Variants in CACNA1B observed in about 807,000 individuals in gnomAD.
The protein encoded by CACNA1B is calcium voltage-gated channel subunit alpha1 B, also known as voltage-dependent N-type calcium channel subunit alpha-1B.
CACNA1B carries 70 observed loss-of-function variants against 247.2 expected under a neutral mutation model. That is an observed-to-expected ratio of 0.28 (90% CI 0.23 to 0.35). The LOEUF is 0.35. Ranked by LOEUF, CACNA1B falls within the 10% of genes least tolerant of loss-of-function variation. CACNA1B has a pLI of 1.00. For missense variants in CACNA1B, 2,367 were observed against 3,197.4 expected (o/e 0.74, Z 6.26); for synonymous variants, 1,231 against 1,294.4 (o/e 0.95, Z 1.05).
chr9:138,097,856 A>G (rs943218589), intron 37 of CACNA1B, among the ~76,000 whole-genome samples: 9 of 152,204 alleles, frequency 5.9e-5, no homozygotes, highest in African/African-American at 1.7e-4. Context: ...GGAGCCCTCC[A>G]CAGACACAAA....
intron 39 of CACNA1B, among the ~76,000 whole-genome samples, chr9:138,111,537 T>TG (rs35095758): frequency 0.19 from 29,619 of 152,158 alleles, 3,119 homozygotes; most frequent in Middle Eastern, 0.31. Flanking sequence ...TTGGGAGTGA[T>TG]CAGCTGTTGC....
chr9:138,047,158 CT>C (rs1254869812), intron 22 of CACNA1B, 125 bp downstream of exon 22: 1 of 930,088 alleles, frequency 1.1e-6, no homozygotes, highest in Non-Finnish European at 1.6e-6. Context: ...CCTCCTTCCT[CT>C]GTCTGTGTGC....
At chr9:138,092,105 G>T (rs2131336999) in intron 36 of CACNA1B, among the ~76,000 whole-genome samples, 1 of 152,326 alleles carries the variant, frequency 6.6e-6, no homozygotes, top group Admixed American at 6.5e-5. Flanking sequence ...CAAGGCCAGG[G>T]TGAAATTAGA....
Position 137,877,838 on chromosome 9 carries a change from G to T in CACNA1B, c.-96G>T, listed in dbSNP as rs903422030. ...CCGGGCGAGGTCCGCTGCGGTCCCG[G>T]CGGCTCCGTGGCTGCTCCGCTCTGA... is the stretch of plus-strand genomic sequence containing the variant. On this transcript the variant is annotated 5_prime_UTR_variant, in exon 1 of 47. Transcript: ENST00000371372. 2.9e-6 allele frequency: 2 copies of T among 686,318 alleles called. No individual in the cohort carries two copies. Among genetic ancestry groups the T allele is most frequent in the South Asian group, 1.2e-4 (2 of 16,286 alleles). 42.5% of individuals were successfully genotyped at this position (686,318 alleles called of 1,614,324 possible).
chr9:138,017,268 C>G (rs1372298840), intron 18 of CACNA1B: 1 of 507,148 alleles, frequency 2.0e-6, no homozygotes, highest in African/African-American at 1.9e-5. Context: ...ACCTTCCTTC[C>G]ACTCCTAACT....
chr9:138,000,320 G>A (rs558894014), intron 15 of CACNA1B, among the ~76,000 whole-genome samples: 41 of 152,098 alleles, frequency 2.7e-4, no homozygotes, highest in Admixed American at 8.5e-4. Context: ...GGATGGTCTC[G>A]ATCTCCTGAC....
At chr9:138,079,895 T>A (rs1218784544) in intron 36 of CACNA1B, among the ~76,000 whole-genome samples, 2 of 142,770 alleles carry the variant, frequency 1.4e-5, no homozygotes, top group Non-Finnish European at 3.0e-5. Context: ...AAAAAAAATG[T>A]TGTTTATTGG....
chr9:138,118,769 G>C lies in CACNA1B; in HGVS notation c.6030+1G>C, dbSNP rs1404269505. 1 of 1,444,522 alleles carries C rather than the reference G, an allele frequency of 6.9e-7. No homozygotes were observed. The highest frequency in any genetic ancestry group is 9.4e-7 in the Non-Finnish European group (1 of 1,059,492). 89.5% of individuals were successfully genotyped at this position (1,444,522 alleles called of 1,614,324 possible). A position where few individuals can be genotyped will look rare whatever the true frequency, so the allele number is the denominator to read the frequency against. ...GCCCCGCCTTGCGGCCGAGACTCAGGTAGGTGGTCTGGGAGGGTCCAGGCC... is the reference window on the plus strand; with the variant it reads ...GCCCCGCCTTGCGGCCGAGACTCAGCTAGGTGGTCTGGGAGGGTCCAGGCC... On this transcript the variant is annotated splice_donor_variant, in intron 44 of 46. Transcript: ENST00000371372. LOFTEE classifies it high-confidence loss of function.
rs906785911 is a variant in CACNA1B, at chr9:138,123,561, TGTG to T, written c.*1563_*1565del. 3 of 1,436 alleles carry T rather than the reference TGTG, an allele frequency of 2.1e-3. No homozygotes were observed. The highest frequency in any genetic ancestry group is 0.024 in the Admixed American group (1 of 42). The allele number at this position is 1,436 out of a possible 1,614,324, so 0.1% of individuals were successfully genotyped here. A position where few individuals can be genotyped will look rare whatever the true frequency, so the allele number is the denominator to read the frequency against. On this transcript the variant is annotated 3_prime_UTR_variant, in exon 47 of 47. Coordinates refer to ENST00000371372, the MANE Select transcript of CACNA1B (RefSeq NM_000718.4). ...TTCTCCTCAAAGAAATTGTGTGTGATGTGTGTGTGTGTGTGTGTGTGTGTGTGT... is the reference window on the plus strand; with the variant it reads ...TTCTCCTCAAAGAAATTGTGTGTGATTGTGTGTGTGTGTGTGTGTGTGTGT...
intron 16 of CACNA1B, among the ~76,000 whole-genome samples, chr9:138,008,230 G>A (rs1335498145): frequency 6.6e-6 from 1 of 152,200 alleles, no homozygotes. Flanking sequence ...ACAGGACAGC[G>A]GTGTCCAGAA....
intron 20 of CACNA1B, among the ~76,000 whole-genome samples, chr9:138,040,882 A>C (rs1302498429): frequency 6.6e-6 from 1 of 152,172 alleles, no homozygotes; most frequent in Admixed American, 6.5e-5. Context: ...ATTAAACATC[A>C]CATCCTCCTT....
intron 20 of CACNA1B, chr9:138,032,687 G>GA (rs1199765012): frequency 4.4e-6 from 2 of 452,646 alleles, no homozygotes; most frequent in Non-Finnish European, 8.9e-6. Flanking sequence ...TTCAGCACTT[G>GA]AAAAAAACGT....
At chr9:138,104,902 G>C (rs1961371463) in intron 38 of CACNA1B, among the ~76,000 whole-genome samples, 2 of 152,260 alleles carry the variant, frequency 1.3e-5, no homozygotes, top group Admixed American at 1.3e-4. Context: ...TGGGGCCAGA[G>C]GACTGTGGTG....
At chr9:137,889,240 T>A (rs1292921797) in intron 3 of CACNA1B, among the ~76,000 whole-genome samples, 1 of 150,370 alleles carries the variant, frequency 6.7e-6, no homozygotes, top group Non-Finnish European at 1.5e-5. Context: ...TGCCACAGGC[T>A]CTGCTTCAGC....
intron 18 of CACNA1B, among the ~76,000 whole-genome samples, 200 bp from the exon 19 acceptor site, chr9:138,022,811 G>GT (rs1249355223): frequency 2.6e-5 from 4 of 151,978 alleles, no homozygotes; most frequent in East Asian, 1.9e-4. Flanking sequence ...ACCGTGGGGG[G>GT]GGGGGGCGGC....
At chr9:137,989,747 G>A (rs1028928552) in intron 15 of CACNA1B, among the ~76,000 whole-genome samples, 2 of 152,062 alleles carry the variant, frequency 1.3e-5, no homozygotes, top group African/African-American at 4.8e-5. Flanking sequence ...GACACAAATA[G>A]GAGTGAGTTA....
chr9:137,948,718 G>A (rs1437514997), intron 6 of CACNA1B, among the ~76,000 whole-genome samples: 2 of 149,940 alleles, frequency 1.3e-5, no homozygotes, highest in Non-Finnish European at 3.0e-5. Context: ...TGTGTGTGGT[G>A]TATGTGGTGT....
intron 21 of CACNA1B, among the ~76,000 whole-genome samples, chr9:138,044,505 T>C (rs7021328): frequency 0.013 from 1,985 of 152,220 alleles, 32 homozygotes; most frequent in African/African-American, 0.044. Context: ...ATGCAGATAG[T>C]GTTAAGTACT....
At position 137,973,859 on chromosome 9, in the gene CACNA1B, C is replaced by T. The variant is rs1958185731; in HGVS notation, c.1544-2048C>T. ...ATGTTGGAGGATTTCAGATCTCTTTCTCTGAAAGTTTTACCGTTTGCATTT... is the reference window on the plus strand; with the variant it reads ...ATGTTGGAGGATTTCAGATCTCTTTTTCTGAAAGTTTTACCGTTTGCATTT... On this transcript the variant is annotated intron_variant, in intron 11 of 46. Coordinates refer to ENST00000371372, the MANE Select transcript of CACNA1B (RefSeq NM_000718.4). This position sits in a 1 kb window ranked among gnomAD's most constrained non-coding sequence, Gnocchi z 4.1. Among the ~76,000 whole-genome samples, 1 of 152,196 alleles carries T rather than the reference C, an allele frequency of 6.6e-6. No homozygotes were observed. The highest frequency in any genetic ancestry group is 2.1e-4 in the South Asian group (1 of 4,826).
Sources: allele counts gnomAD v4.1 joint callset (sites outside exome capture counted in the v4.1 genomes callset), GRCh38; gene constraint gnomAD v4.1.1; non-coding constraint Gnocchi (gnomAD v3.1); transcripts MANE v1.5; gene names NCBI Gene and HGNC (gene_info 2026-07-23, HGNC 2026-07-21).